EP400: variants seen among roughly 807,000 people sequenced by gnomAD.
The protein encoded by EP400 is E1A binding protein p400, also known as E1A-binding protein p400.
EP400 carries 105 observed loss-of-function variants against 354.1 expected under a neutral mutation model. The ratio of observed to expected loss-of-function variants is 0.30; its 90% CI spans 0.25 to 0.35. The LOEUF is 0.35. EP400 is among the 10% of genes least tolerant of loss of function. The pLI is 1.00. For missense variants in EP400, 3,280 were observed against 4,121.0 expected, an observed-to-expected ratio of 0.80 and a Z score of 5.59; for synonymous variants, 1,646 against 1,716.9, an observed-to-expected ratio of 0.96 and a Z score of 1.02.
chr12:132,032,098 C>T lies in EP400; in HGVS notation c.5900C>T (p.Ala1967Val). 1 of 1,614,034 alleles carries T rather than the reference C, an allele frequency of 6.2e-7. No individual in the cohort carries two copies. The highest frequency in any genetic ancestry group is 8.5e-7 in the Non-Finnish European group (1 of 1,179,930). Residue 1967 changes from alanine to valine, a missense_variant, in exon 30 of 53, where the codon GCT (alanine) becomes GTT (valine). Ala to Val is a moderately conservative substitution (Grantham distance 64, BLOSUM62 0). Coordinates refer to ENST00000389561, the MANE Select transcript of EP400 (RefSeq NM_015409.5). ...CTGAATCCAGTGATGGATGCCAAAGCTCAGGAGTGGTGCGATAGGATCGGG... is the reference window on the plus strand; with the variant it reads ...CTGAATCCAGTGATGGATGCCAAAGTTCAGGAGTGGTGCGATAGGATCGGG... ...NDLNPVMDAK[A>V]QEWCDRIGRC... is the part of the protein sequence containing the mutation.
intron 2 of EP400, among the ~76,000 whole-genome samples, chr12:131,965,178 A>G (rs893083322): frequency 6.6e-6 from 1 of 152,242 alleles, no homozygotes; most frequent in African/African-American, 2.4e-5. Context: ...ACTTTGTCCT[A>G]TAACTAGTAA....
At chr12:132,040,757 C>T (rs369351609) in intron 32 of EP400, among the ~76,000 whole-genome samples, 2 of 152,122 alleles carry the variant, frequency 1.3e-5, no homozygotes, top group East Asian at 1.9e-4. Context: ...CCACAGCAGA[C>T]AGGTTAGTGT....
chr12:132,009,304 G>A (rs921613310), intron 15 of EP400, among the ~76,000 whole-genome samples: 7 of 152,210 alleles, frequency 4.6e-5, no homozygotes, highest in Non-Finnish European at 7.4e-5. Flanking sequence ...ATCAGTCAGC[G>A]TTCATTCATC....
At chr12:132,014,263 C>T (rs1893852606) in intron 19 of EP400, among the ~76,000 whole-genome samples, 1 of 152,254 alleles carries the variant, frequency 6.6e-6, no homozygotes, top group South Asian at 2.1e-4. Context: ...CGCCTTCCCA[C>T]AGCCAGCTGG....
chr12:131,986,757 A>G lies in EP400; in HGVS notation c.2173A>G (p.Thr725Ala). ...ACCACAGAGTCCTGCTCAGAATGCC[A>G]CCTCGTCCCAAGACAGTTCTCAGGA... ...TKPQSPAQNATSSQDSSQDTL... is the reference protein window; with the variant it reads ...TKPQSPAQNAASSQDSSQDTL... Residue 725 changes from threonine (T) to alanine (A), a missense_variant, in exon 6 of 53, where the codon ACC becomes GCC. This residue lies in a region of EP400 where 800 missense variants were observed against 840.0 expected (regional missense o/e 0.95). Transcript: ENST00000389561. 2.5e-6 allele frequency: 4 copies of G among 1,614,184 alleles called. No individual in the cohort carries two copies. Among genetic ancestry groups the G allele is most frequent in the Non-Finnish European group, 3.4e-6 (4 of 1,180,034 alleles).
intron 51 of EP400, among the ~76,000 whole-genome samples, chr12:132,071,218 G>T (rs1896058048): frequency 6.6e-6 from 1 of 151,900 alleles, no homozygotes; most frequent in South Asian, 2.1e-4. Context: ...TAAAGCCCAT[G>T]TGTATGAACT....
In EP400 at chr12:132,050,366, A is replaced by G; in HGVS notation, c.7244A>G (p.Gln2415Arg). 6.2e-7 allele frequency: 1 copy of G among 1,614,172 alleles called. No homozygotes were observed. Among genetic ancestry groups the G allele is most frequent in the Non-Finnish European group, 8.5e-7 (1 of 1,180,036 alleles). Residue 2415 changes from glutamine to arginine, a missense_variant, in exon 40 of 53, where the codon CAG becomes CGG. Gln to Arg is a conservative substitution (Grantham distance 43, BLOSUM62 1). Transcript: ENST00000389561. This position sits in a 1 kb window ranked among gnomAD's most constrained non-coding sequence, Gnocchi z 4.8. ...RPLRTSQIYA[Q>R]DENATHTQLY... The stretch of plus-strand genomic sequence containing the variant: ...CTCCGTACGAGCCAGATCTATGCCC[A>G]GGATGAGAATGCCACACACACCCAG...
Position 132,066,759 on chromosome 12 carries a change from A to G in EP400, c.8554-15A>G. 6.2e-7 allele frequency: 1 copy of G among 1,608,380 alleles called. No homozygotes were observed. Among genetic ancestry groups the G allele is most frequent in the Non-Finnish European group, 8.5e-7 (1 of 1,178,102 alleles). On this transcript the variant is annotated splice_polypyrimidine_tract_variant and intron_variant, in intron 48 of 52. Coordinates refer to ENST00000389561, the MANE Select transcript of EP400 (RefSeq NM_015409.5). Reference sequence around the variant, plus strand: ...CTGAATTTCTCTGGACTCTCCCATTATTTCTACTGTTTAGACCCGGGTTCC... The same window carrying G: ...CTGAATTTCTCTGGACTCTCCCATTGTTTCTACTGTTTAGACCCGGGTTCC...
intron 1 of EP400, among the ~76,000 whole-genome samples, chr12:131,959,821 G>C (rs1484302450): frequency 6.6e-6 from 1 of 152,202 alleles, no homozygotes; most frequent in Admixed American, 6.5e-5. Flanking sequence ...TCCTGGCACA[G>C]GCTGGCAGCC....
In EP400 at chr12:132,029,432, G is replaced by A. The variant is rs1442998731; in HGVS notation, c.5382-269G>A. The A allele has an allele frequency of 3.8e-5, 20 of 524,910 alleles. No homozygotes were observed. The highest frequency in any genetic ancestry group is 6.8e-5 in the Admixed American group (2 of 29,488). The allele number at this position is 524,910 out of a possible 1,614,324, so 32.5% of individuals were successfully genotyped here. Reference sequence around the variant, plus strand: ...GGCTTATCTCTGACCTGGTGCCTGCGGCCTAGGGAATCCACCCCCATTGAT... The same window carrying A: ...GGCTTATCTCTGACCTGGTGCCTGCAGCCTAGGGAATCCACCCCCATTGAT... On this transcript the variant is annotated intron_variant, in intron 27 of 52. Coordinates refer to ENST00000389561, the MANE Select transcript of EP400 (RefSeq NM_015409.5). This position sits in a 1 kb window ranked among gnomAD's most constrained non-coding sequence, Gnocchi z 4.7.
intron 5 of EP400, 140 bp from the exon 6 acceptor site, chr12:131,986,374 G>A (rs1468711706): frequency 2.6e-6 from 2 of 765,276 alleles, no homozygotes; most frequent in Non-Finnish European, 4.2e-6. Flanking sequence ...TGGATACGAT[G>A]TGATTTGTCT....
intron 2 of EP400, among the ~76,000 whole-genome samples, chr12:131,968,058 TTCTTC>T (rs1381431949): frequency 1.3e-5 from 2 of 152,246 alleles, no homozygotes; most frequent in African/African-American, 2.4e-5. Context: ...GCTTGTTTTT[TTCTTC>T]TCTTAAGACT....
chr12:132,006,060 T>C, intron 13 of EP400, 52 bp from the exon 14 acceptor site: 1 of 1,534,452 alleles, frequency 6.5e-7, no homozygotes, highest in Non-Finnish European at 8.8e-7. Flanking sequence ...AAGGTTTAGA[T>C]TTATAAAGCC....
chr12:132,075,786 G>A lies in EP400; in HGVS notation c.9022-730G>A, dbSNP rs1896216001. On this transcript the variant is annotated intron_variant, in intron 51 of 52. Coordinates refer to ENST00000389561, the MANE Select transcript of EP400 (RefSeq NM_015409.5). This position sits in a 1 kb window ranked among gnomAD's most constrained non-coding sequence, Gnocchi z 4.5. ...CTGTAAGTAACAGGACCCAGCAAGA[G>A]ACCAGGGTCCGTGAGGGCCTTGTGC... The A allele has an allele frequency of 6.6e-6, 1 of 152,610 alleles. No individual in the cohort carries two copies. Among genetic ancestry groups the A allele is most frequent in the South Asian group, 2.1e-4 (1 of 4,842 alleles). 9.5% of individuals were successfully genotyped at this position (152,610 alleles called of 1,614,324 possible). A position where few individuals can be genotyped will look rare whatever the true frequency, so the allele number is the denominator to read the frequency against.
At chr12:132,061,636 C>T (rs1565932651) in intron 45 of EP400, among the ~76,000 whole-genome samples, 1 of 152,170 alleles carries the variant, frequency 6.6e-6, no homozygotes, top group Non-Finnish European at 1.5e-5. Context: ...AGTGAGGATG[C>T]TCTGAATTTT....
chr12:131,973,988 ATT>A (rs57974341), intron 2 of EP400, among the ~76,000 whole-genome samples: 17 of 128,672 alleles, frequency 1.3e-4, no homozygotes, highest in Non-Finnish European at 1.0e-4. Flanking sequence ...ATGTGTTTGT[ATT>A]TTTTTTTTTT....
chr12:132,062,183 C>T lies in EP400; in HGVS notation c.7958C>T (p.Thr2653Met), dbSNP rs771622766. 57 of 1,613,988 alleles carry T rather than the reference C, an allele frequency of 3.5e-5. No homozygotes were observed. Among genetic ancestry groups the T allele is most frequent in the Non-Finnish European group, 4.3e-5 (51 of 1,180,010 alleles). Residue 2653 changes from threonine (T) to methionine (M), a missense_variant, in exon 46 of 53, where the codon ACG becomes ATG. Coordinates refer to ENST00000389561, the MANE Select transcript of EP400 (RefSeq NM_015409.5). ...CCACGGGCAGTCGGCTCCCCAGCCA[C>T]GGCGACCCCTGACCTGGTGTCCATG... ...PPPRAVGSPA[T>M]ATPDLVSMAT...
chr12:131,992,556 T>C (rs763380039), intron 11 of EP400, among the ~76,000 whole-genome samples: 1 of 152,200 alleles, frequency 6.6e-6, no homozygotes, highest in Non-Finnish European at 1.5e-5. Context: ...TGTCCTCTGG[T>C]AGACCCATGG....
intron 51 of EP400, among the ~76,000 whole-genome samples, chr12:132,074,258 T>G (rs1896160872): frequency 6.6e-6 from 1 of 152,194 alleles, no homozygotes; most frequent in Non-Finnish European, 1.5e-5. Flanking sequence ...ACGGTATCAT[T>G]TCCTCACTGT....
Sources: gnomAD v4.1 joint callset for allele counts (sites outside exome capture counted in the v4.1 genomes callset) on GRCh38, gnomAD v4.1.1 for gene constraint, gnomAD v4.1.1 regional missense constraint, Gnocchi (gnomAD v3.1) non-coding constraint, MANE v1.5 for transcripts, NCBI Gene and HGNC (gene_info 2026-07-23, HGNC 2026-07-21) for gene names.